The following CTBP2 variants were observed in gnomAD, a reference collection of about 807,000 sequenced individuals.
CTBP2 encodes the protein C-terminal binding protein 2, also known as C-terminal-binding protein 2.
CTBP2 carries 30 observed loss-of-function variants against 80.3 expected under a neutral mutation model. The ratio of observed to expected loss-of-function variants is 0.37; its 90% confidence interval spans 0.28 to 0.51. CTBP2 has a LOEUF of 0.51. CTBP2 is among the 20% of genes least tolerant of loss of function. CTBP2 has a pLI of 0.93. For synonymous variants in CTBP2, 594 were observed against 587.4 expected (o/e 1.01, Z -0.16); for missense variants, 1,212 against 1,375.3 (o/e 0.88, Z 1.88).
chr10:125,158,170 G>A (rs1010833390), intron 1 of CTBP2, among the ~76,000 whole-genome samples: 10 of 148,282 alleles, frequency 6.7e-5, no homozygotes, highest in Middle Eastern at 3.4e-3. Flanking sequence ...TAAAAAAAAA[G>A]GGGGGGGTTA....
rs1564971303 is a variant in CTBP2 at position 124,985,492 on chromosome 10, A to G, written c.*4026T>C. ...GAAACGTTTTGTACCGATTATCCAC[A>G]GCAAAACAAAAATAAGCTTTTATTT... On this transcript the variant is annotated 3_prime_UTR_variant, in exon 9 of 9. Coordinates refer to ENST00000309035, the MANE Select transcript of CTBP2 (RefSeq NM_022802.3). 1 of 152,860 alleles carries G rather than the reference A, an allele frequency of 6.5e-6. No homozygotes were observed. The highest frequency in any genetic ancestry group is 1.5e-5 in the Non-Finnish European group (1 of 68,174). The allele number at this position is 152,860 out of a possible 1,614,324, so 9.5% of individuals were successfully genotyped here.
intron 1 of CTBP2, among the ~76,000 whole-genome samples, chr10:125,146,046 C>A (rs555502461): frequency 6.6e-6 from 1 of 152,128 alleles, no homozygotes; most frequent in East Asian, 1.9e-4. Context: ...GCCTCAGCCT[C>A]CCGATTAGCT....
chr10:125,015,919 G>A (rs1158097856), intron 1 of CTBP2, among the ~76,000 whole-genome samples: 5 of 152,230 alleles, frequency 3.3e-5, no homozygotes, highest in Admixed American at 3.3e-4. Context: ...ACGGGGCTGG[G>A]TGAGATTCTG....
chr10:125,109,393 A>T (rs529649450), intron 2 of CTBP2, among the ~76,000 whole-genome samples: 11 of 152,342 alleles, frequency 7.2e-5, no homozygotes, highest in Admixed American at 6.5e-4. Flanking sequence ...CCAACACTGG[A>T]ACTATCTTTG....
At chr10:125,036,662 A>T (rs1467593539) in intron 3 of CTBP2, among the ~76,000 whole-genome samples, 1 of 123,152 alleles carries the variant, frequency 8.1e-6, no homozygotes, top group Non-Finnish European at 1.7e-5. Context: ...ATTCAAAGCT[A>T]GAGGGGGTGT....
intron 1 of CTBP2, among the ~76,000 whole-genome samples, chr10:125,157,288 G>C (rs1861091543): frequency 6.6e-6 from 1 of 151,312 alleles, no homozygotes; most frequent in Non-Finnish European, 1.5e-5. Flanking sequence ...TCAAGGGTCA[G>C]TTTCAAAGCT....
At chr10:124,992,190 CCTTT>C (rs1371901312) in intron 8 of CTBP2, among the ~76,000 whole-genome samples, 1 of 142,746 alleles carries the variant, frequency 7.0e-6, no homozygotes, top group Non-Finnish European at 1.5e-5. Flanking sequence ...TCTACGTATA[CCTTT>C]CTCTTTGAGA....
chr10:125,038,618 A>G (rs765542066), intron 3 of CTBP2, among the ~76,000 whole-genome samples: 2 of 152,238 alleles, frequency 1.3e-5, no homozygotes, highest in Non-Finnish European at 2.9e-5. Flanking sequence ...GTATCAGGGA[A>G]TTCAGCATTG....
chr10:125,064,544 A>G (rs1387588838), intron 2 of CTBP2, among the ~76,000 whole-genome samples: 2 of 152,116 alleles, frequency 1.3e-5, no homozygotes, highest in Non-Finnish European at 2.9e-5. Flanking sequence ...CAGGTACATG[A>G]AAAAAAAGTG....
chr10:125,043,262 G>A (rs903936134), intron 2 of CTBP2, among the ~76,000 whole-genome samples: 5 of 152,128 alleles, frequency 3.3e-5, no homozygotes, highest in Non-Finnish European at 5.9e-5. Context: ...GGAAAGGGGA[G>A]GGTTCCCCTC....
At chr10:125,117,116 T>C (rs1440066731) in intron 1 of CTBP2, among the ~76,000 whole-genome samples, 2 of 152,306 alleles carry the variant, frequency 1.3e-5, no homozygotes, top group Non-Finnish European at 2.9e-5. Context: ...ACCTGTGCTC[T>C]CCCACAAGGC....
chr10:125,001,777 C>T (rs535784335), intron 3 of CTBP2, among the ~76,000 whole-genome samples: 9 of 152,204 alleles, frequency 5.9e-5, no homozygotes, highest in Non-Finnish European at 1.2e-4. Context: ...CAAGACCCAC[C>T]CAGTGCTTCC....
At chr10:124,991,431 G>A (rs1035398138) in intron 8 of CTBP2, among the ~76,000 whole-genome samples, 4 of 152,210 alleles carry the variant, frequency 2.6e-5, no homozygotes, top group African/African-American at 9.7e-5. Flanking sequence ...CACCCAACAG[G>A]GGAATCTGGT....
chr10:125,038,599 A>G (rs1334961124), intron 3 of CTBP2, among the ~76,000 whole-genome samples: 3 of 152,224 alleles, frequency 2.0e-5, no homozygotes, highest in Non-Finnish European at 4.4e-5. Context: ...GCTCTTCAGG[A>G]ATCTCATAGT....
chr10:124,985,262 A>G lies in CTBP2; in HGVS notation c.*4256T>C, dbSNP rs1415969006. ...TTCCTTCCAAATTGTAAATCTGTCT[A>G]TAAATGTAACGCATGTGGTTGTGTA... On this transcript the variant is annotated 3_prime_UTR_variant, in exon 9 of 9. Transcript: ENST00000309035. The G allele has an allele frequency of 2.7e-6, 1 of 365,898 alleles. No homozygotes were observed. Among genetic ancestry groups the G allele is most frequent in the Non-Finnish European group, 4.9e-6 (1 of 202,792 alleles). 22.7% of individuals were successfully genotyped at this position (365,898 alleles called of 1,614,324 possible). A position where few individuals can be genotyped will look rare whatever the true frequency, so the allele number is the denominator to read the frequency against.
intron 1 of CTBP2, among the ~76,000 whole-genome samples, chr10:125,149,042 T>A (rs1038072143): frequency 6.6e-6 from 1 of 152,172 alleles, no homozygotes; most frequent in Non-Finnish European, 1.5e-5. Context: ...GGTCCACCAC[T>A]GCGCCGTGTT....
chr10:125,121,793 G>A (rs928965383), intron 1 of CTBP2, among the ~76,000 whole-genome samples: 1 of 152,208 alleles, frequency 6.6e-6, no homozygotes, highest in Admixed American at 6.5e-5. Flanking sequence ...TCCACCTTGC[G>A]CCACACCACG....
rs1418013177 is a variant in CTBP2, at chr10:124,986,283, G to GCACACACACACA, written c.*3234_*3235insTGTGTGTGTGTG. On this transcript the variant is annotated 3_prime_UTR_variant, in exon 9 of 9. Transcript: ENST00000309035. ...ATTTGGAAAGACGACACACGCACGC[G>GCACACACACACA]CGCGCGCGCACACACACACACACAC... 4.4e-5 allele frequency: 2 copies of GCACACACACACA among 45,374 alleles called. No individual in the cohort carries two copies. Among genetic ancestry groups the GCACACACACACA allele is most frequent in the Non-Finnish European group, 1.2e-4 (2 of 16,462 alleles). 2.8% of individuals were successfully genotyped at this position (45,374 alleles called of 1,614,324 possible). A position where few individuals can be genotyped will look rare whatever the true frequency, so the allele number is the denominator to read the frequency against.
chr10:125,116,481 G>C (rs1022033348), intron 1 of CTBP2, among the ~76,000 whole-genome samples: 2 of 152,114 alleles, frequency 1.3e-5, no homozygotes, highest in Non-Finnish European at 2.9e-5. Flanking sequence ...CCCTTCAGAA[G>C]GGGTGACTTA....
Sources: gnomAD v4.1 joint callset for allele counts (sites outside exome capture counted in the v4.1 genomes callset) on GRCh38, gnomAD v4.1.1 for gene constraint, MANE v1.5 for transcripts, NCBI Gene and HGNC (gene_info 2026-07-23, HGNC 2026-07-21) for gene names.